The following FGF12 variants were observed in gnomAD, a reference collection of about 807,000 sequenced individuals.
FGF12 encodes fibroblast growth factor 12B.
Under a neutral mutation model 23.6 loss-of-function variants are expected in FGF12, and 14 were observed. The ratio of observed to expected loss-of-function variants is 0.59; its 90% CI spans 0.39 to 0.93. The LOEUF (loss-of-function observed/expected upper bound fraction) is 0.93. FGF12 is among the 40% of genes least tolerant of loss of function. The pLI, the probability that FGF12 is intolerant of heterozygous loss-of-function variation, is 0.00. For synonymous variants in FGF12, 62 were observed against 77.3 expected (o/e 0.80, Z 1.04); for missense variants, 175 against 217.8 (o/e 0.80, Z 1.24).
chr3:192,162,264 T>C (rs1410836496), intron 5 of FGF12, among the ~76,000 whole-genome samples: 1 of 152,152 alleles, frequency 6.6e-6, no homozygotes, highest in Non-Finnish European at 1.5e-5. Context: ...TTTGGAACTC[T>C]GGGAGAATTC....
chr3:192,220,026 AT>A (rs528380884), intron 4 of FGF12, among the ~76,000 whole-genome samples: 17 of 151,010 alleles, frequency 1.1e-4, no homozygotes, highest in African/African-American at 3.6e-4. Context: ...TATTACAATC[AT>A]TTTTTTTTCC....
At chr3:192,534,267 T>C (rs184260058) in intron 2 of FGF12, among the ~76,000 whole-genome samples, 107 of 152,358 alleles carry the variant, frequency 7.0e-4, no homozygotes, top group African/African-American at 2.3e-3. Flanking sequence ...AAGCTGGTTT[T>C]AGGTTACTGT....
chr3:192,510,991 T>G (rs983330378), intron 2 of FGF12, among the ~76,000 whole-genome samples: 3 of 152,110 alleles, frequency 2.0e-5, no homozygotes, highest in African/African-American at 7.2e-5. Flanking sequence ...AGGTATGTGT[T>G]TTTTATAGGA....
At chr3:192,343,868 T>C (rs1330820598) in intron 3 of FGF12, among the ~76,000 whole-genome samples, 2 of 152,184 alleles carry the variant, frequency 1.3e-5, no homozygotes, top group Non-Finnish European at 2.9e-5. Context: ...GCCTAAACAA[T>C]TGTTGTTACT....
At chr3:192,638,977 C>T (rs1033069986) in intron 2 of FGF12, among the ~76,000 whole-genome samples, 1 of 152,076 alleles carries the variant, frequency 6.6e-6, no homozygotes, top group African/African-American at 2.4e-5. Flanking sequence ...AATGCTTTTG[C>T]ACTACAAAGG....
At position 192,360,495 on chromosome 3, in the gene FGF12, C is replaced by T. The variant is rs1577387617; in HGVS notation, c.57G>A (p.Gln19=). ...CTGGGTGCATCTGCAGGAAGTATCC[C>T]TGCTGGCTGAATAACCTTGTCACAA... The part of the protein sequence containing the change: ...KGIVTRLFSQ[Q]GYFLQMHPDG... Residue 19 remains glutamine, a synonymous_variant, in exon 3 of 6, where the codon CAG becomes CAA. Coordinates refer to ENST00000445105, the MANE Select transcript of FGF12 (RefSeq NM_004113.6). This position sits in a 1 kb window ranked among gnomAD's most constrained non-coding sequence, Gnocchi z 4.3. 5 of 1,613,962 alleles carry T rather than the reference C, an allele frequency of 3.1e-6. No individual in the cohort carries two copies. The highest frequency in any genetic ancestry group is 4.2e-6 in the Non-Finnish European group (5 of 1,179,896).
chr3:192,268,687 C>T, intron 4 of FGF12: 2 of 449,284 alleles, frequency 4.5e-6, no homozygotes, highest in Non-Finnish European at 8.9e-6. Context: ...TGTAAGCTTC[C>T]TGAGGCTTCC....
intron 4 of FGF12, among the ~76,000 whole-genome samples, chr3:192,287,805 A>G (rs529354514): frequency 5.5e-4 from 83 of 152,214 alleles, no homozygotes; most frequent in African/African-American, 1.9e-3. Context: ...CTCACTGTCT[A>G]CTGGTGGAAA....
At chr3:192,324,812 C>A (rs1305285787) in intron 4 of FGF12, among the ~76,000 whole-genome samples, 1 of 152,114 alleles carries the variant, frequency 6.6e-6, no homozygotes, top group Non-Finnish European at 1.5e-5. Context: ...TAAAATCTGG[C>A]ATCATATTCA....
At chr3:192,300,949 C>T (rs755061607) in intron 4 of FGF12, among the ~76,000 whole-genome samples, 4 of 152,010 alleles carry the variant, frequency 2.6e-5, no homozygotes, top group African/African-American at 9.7e-5. Flanking sequence ...ATCCGGGAGT[C>T]GAGATCACCC....
At chr3:192,183,903 C>T (rs577205287) in intron 4 of FGF12, among the ~76,000 whole-genome samples, 96 of 152,198 alleles carry the variant, frequency 6.3e-4, no homozygotes, top group Middle Eastern at 3.4e-3. Context: ...TATGCGCTTT[C>T]GTAGATTAAG....
chr3:192,493,059 C>G (rs1037050514), intron 2 of FGF12, among the ~76,000 whole-genome samples: 1 of 147,696 alleles, frequency 6.8e-6, no homozygotes, highest in African/African-American at 2.5e-5. Context: ...TTTAGGAAAA[C>G]TTAGAAATAG....
intron 2 of FGF12, among the ~76,000 whole-genome samples, chr3:192,538,246 C>A (rs1475424603): frequency 6.7e-6 from 1 of 148,848 alleles, no homozygotes; most frequent in Non-Finnish European, 1.5e-5. Flanking sequence ...CCGCACCAGG[C>A]CTTTAATCCG....
At chr3:192,191,170 T>TA (rs1716771020) in intron 4 of FGF12, among the ~76,000 whole-genome samples, 1 of 152,188 alleles carries the variant, frequency 6.6e-6, no homozygotes, top group Admixed American at 6.5e-5. Flanking sequence ...AATGAAGTTC[T>TA]ACAAAACTAT....
At chr3:192,513,527 G>C (rs181443084) in intron 2 of FGF12, among the ~76,000 whole-genome samples, 121 of 152,192 alleles carry the variant, frequency 8.0e-4, no homozygotes, top group African/African-American at 2.9e-3. Flanking sequence ...CTATAAGAAT[G>C]AATGAAACCT....
At chr3:192,678,792 G>A (rs753881991) in intron 2 of FGF12, among the ~76,000 whole-genome samples, 4 of 152,162 alleles carry the variant, frequency 2.6e-5, no homozygotes, top group Non-Finnish European at 5.9e-5. Context: ...GCCAGCCCAG[G>A]CCCAGCTTAT....
intron 2 of FGF12, among the ~76,000 whole-genome samples, chr3:192,498,311 C>A (rs1039676824): frequency 6.6e-6 from 1 of 152,214 alleles, no homozygotes; most frequent in African/African-American, 2.4e-5. Context: ...CCGGCACCTA[C>A]TAGAAACAAA....
At chr3:192,226,959 T>C (rs530019633) in intron 4 of FGF12, among the ~76,000 whole-genome samples, 9 of 152,036 alleles carry the variant, frequency 5.9e-5, no homozygotes, top group Non-Finnish European at 1.2e-4. Context: ...AAGAGGTTTC[T>C]CAAAGGAGCT....
rs1717429046 is a variant in FGF12 at position 192,336,586 on chromosome 3, T to G, written c.125-1122A>C. ...ATTAAGTATCTCACGGCTGTATGCA[T>G]AAGAGAATATCTCTGCAGTTCATTT... is the stretch of plus-strand genomic sequence containing the variant. On this transcript the variant is annotated intron_variant, in intron 3 of 5. Coordinates refer to ENST00000445105, the MANE Select transcript of FGF12 (RefSeq NM_004113.6). This position sits in a 1 kb window ranked among gnomAD's most constrained non-coding sequence, Gnocchi z 4.3. Among the ~76,000 whole-genome samples, 1 of 152,198 alleles carries G rather than the reference T, an allele frequency of 6.6e-6. No homozygotes were observed. The highest frequency in any genetic ancestry group is 2.4e-5 in the African/African-American group (1 of 41,452).
Sources: allele counts gnomAD v4.1 joint callset (sites outside exome capture counted in the v4.1 genomes callset), GRCh38; gene constraint gnomAD v4.1.1; non-coding constraint Gnocchi (gnomAD v3.1); transcripts MANE v1.5; gene names NCBI Gene and HGNC (gene_info 2026-07-23, HGNC 2026-07-21).